Variants in LSAMP observed in about 807,000 individuals in gnomAD.
LSAMP encodes the protein limbic system associated membrane protein.
LSAMP carries 7 observed loss-of-function variants against 38.6 expected under a neutral mutation model. The ratio of observed to expected loss-of-function variants is 0.18; its 90% CI spans 0.10 to 0.34. The LOEUF (loss-of-function observed/expected upper bound fraction) is 0.34. LSAMP is among the 10% of genes least tolerant of loss of function. LSAMP has a pLI of 1.00. For missense variants in LSAMP, 313 were observed against 420.0 expected, an observed-to-expected ratio of 0.75 and a Z score of 2.23; for synonymous variants, 154 against 166.8, an observed-to-expected ratio of 0.92 and a Z score of 0.59.
chr3:115,983,586 A>G (rs1939426277), intron 3 of LSAMP, among the ~76,000 whole-genome samples: 1 of 152,150 alleles, frequency 6.6e-6, no homozygotes, highest in African/African-American at 2.4e-5. Flanking sequence ...TTTTGGTTTT[A>G]TGTTCCTCAG....
At chr3:116,268,527 T>G (rs1045770512) in intron 1 of LSAMP, among the ~76,000 whole-genome samples, 1 of 152,110 alleles carries the variant, frequency 6.6e-6, no homozygotes, top group Non-Finnish European at 1.5e-5. Flanking sequence ...GCTCATGCCA[T>G]TTCTTTAACA....
At chr3:116,231,555 G>A (rs757309856) in intron 1 of LSAMP, among the ~76,000 whole-genome samples, 24 of 152,100 alleles carry the variant, frequency 1.6e-4, no homozygotes, top group African/African-American at 2.2e-4. Flanking sequence ...CAGTGGGCAC[G>A]GTAACAGTGA....
At chr3:116,207,704 CT>C (rs1237811507) in intron 1 of LSAMP, among the ~76,000 whole-genome samples, 1 of 151,314 alleles carries the variant, frequency 6.6e-6, no homozygotes, top group Admixed American at 6.6e-5. Flanking sequence ...GTTGAAAATT[CT>C]TTTCTTTAAG....
intron 2 of LSAMP, among the ~76,000 whole-genome samples, chr3:116,059,684 C>T (rs1449426250): frequency 1.3e-5 from 2 of 152,158 alleles, no homozygotes; most frequent in African/African-American, 4.8e-5. Context: ...AGCCTTCACA[C>T]ACAAGCAGCC....
intron 3 of LSAMP, among the ~76,000 whole-genome samples, chr3:115,902,434 C>T (rs573843773): frequency 4.2e-4 from 64 of 152,024 alleles, no homozygotes; most frequent in Middle Eastern, 6.8e-3. Flanking sequence ...GACATAGGAA[C>T]GGGGCAAAAA....
At chr3:115,825,493 T>C (rs1170202012) in intron 6 of LSAMP, among the ~76,000 whole-genome samples, 2 of 152,182 alleles carry the variant, frequency 1.3e-5, no homozygotes, top group Non-Finnish European at 2.9e-5. Flanking sequence ...CAAACCTCCT[T>C]ACTGAAAAGC....
chr3:115,839,933 T>C (rs1409337271), intron 6 of LSAMP, among the ~76,000 whole-genome samples: 1 of 152,238 alleles, frequency 6.6e-6, no homozygotes, highest in African/African-American at 2.4e-5. Context: ...TTAAGTCCTT[T>C]AAATGGACTT....
intron 1 of LSAMP, among the ~76,000 whole-genome samples, chr3:116,209,741 ATTAT>A (rs756155084): frequency 5.3e-5 from 8 of 151,390 alleles, no homozygotes; most frequent in Admixed American, 2.6e-4. Context: ...GGATTTATTT[ATTAT>A]TTATTTATTT....
chr3:115,990,464 C>A (rs1187090746), intron 3 of LSAMP, among the ~76,000 whole-genome samples: 1 of 151,994 alleles, frequency 6.6e-6, no homozygotes, highest in Non-Finnish European at 1.5e-5. Context: ...TAGTAGTAGG[C>A]ATCTTAGCTT....
chr3:116,445,205 C>A lies in LSAMP; in HGVS notation c.-174G>T. On this transcript the variant is annotated 5_prime_UTR_variant, in exon 1 of 7. The change creates a new upstream start codon in the 5' untranslated region. Coordinates refer to ENST00000490035, the MANE Select transcript of LSAMP (RefSeq NM_002338.5). ...CTTTCCCTCGCTCAGTCTCTTTTCC[C>A]TCTAAGACTTAACAAAGCCCTCATA... 3 of 623,184 alleles carry A rather than the reference C, an allele frequency of 4.8e-6. No individual in the cohort carries two copies. Among genetic ancestry groups the A allele is most frequent in the Non-Finnish European group, 8.4e-6 (3 of 357,768 alleles). The allele number at this position is 623,184 out of a possible 1,614,324, so 38.6% of individuals were successfully genotyped here. A position where few individuals can be genotyped will look rare whatever the true frequency, so the allele number is the denominator to read the frequency against.
At chr3:116,193,744 T>TC (rs1160738980) in intron 1 of LSAMP, among the ~76,000 whole-genome samples, 4 of 152,168 alleles carry the variant, frequency 2.6e-5, no homozygotes, top group African/African-American at 9.7e-5. Context: ...ATCTAGTATT[T>TC]CCCACCCTTC....
chr3:115,863,383 T>G (rs988550655), intron 3 of LSAMP, among the ~76,000 whole-genome samples: 4 of 152,012 alleles, frequency 2.6e-5, no homozygotes, highest in Non-Finnish European at 5.9e-5. Context: ...TTGGTTTGAT[T>G]GATCTGTGTA....
intron 1 of LSAMP, among the ~76,000 whole-genome samples, chr3:116,293,683 A>G (rs1427426078): frequency 6.6e-6 from 1 of 152,158 alleles, no homozygotes; most frequent in Non-Finnish European, 1.5e-5. Flanking sequence ...TAAAGTTAAT[A>G]AATATATAGG....
chr3:116,276,355 AT>A (rs1350819265), intron 1 of LSAMP, among the ~76,000 whole-genome samples: 2 of 152,236 alleles, frequency 1.3e-5, no homozygotes, highest in African/African-American at 4.8e-5. Flanking sequence ...TGTTTTAAGA[AT>A]TAGTTTAAGC....
chr3:116,413,902 C>A (rs75634822), intron 1 of LSAMP, among the ~76,000 whole-genome samples: 23 of 144,490 alleles, frequency 1.6e-4, no homozygotes, highest in East Asian at 1.0e-3. Context: ...CAGAAAATTA[C>A]AAAAAAAAAA....
Position 115,997,713 on chromosome 3 carries a change from GATATATATATATATATATATATAT to G in LSAMP, c.514+21778_514+21801del, listed in dbSNP as rs376845636. On this transcript the variant is annotated intron_variant, in intron 3 of 6. Coordinates refer to ENST00000490035, the MANE Select transcript of LSAMP (RefSeq NM_002338.5). Reference sequence around the variant, plus strand: ...AAGAGGGAAACTATTGACATTTTGGGATATATATATATATATATATATATATATATATATATATATACACACACA... The same window carrying G: ...AAGAGGGAAACTATTGACATTTTGGGATATATATATATATATACACACACA... Among the ~76,000 whole-genome samples, 9 of 91,658 alleles carry G rather than the reference GATATATATATATATATATATATAT, an allele frequency of 9.8e-5. No individual in the cohort carries two copies. In the East Asian group the frequency reaches 2.0e-3, roughly 21 times the overall value. The allele number at this position is 91,658 out of a possible 152,430, so 60.1% of individuals were successfully genotyped here.
intron 1 of LSAMP, among the ~76,000 whole-genome samples, chr3:116,425,469 G>A (rs1317720642): frequency 6.6e-6 from 1 of 152,174 alleles, no homozygotes; most frequent in African/African-American, 2.4e-5. Context: ...ATGCAAATAT[G>A]GCTCTGCTAA....
rs1430740608 is a variant in LSAMP at position 116,273,809 on chromosome 3, TTCTTTCTC to T, written c.155+171060_155+171067del. Among the ~76,000 whole-genome samples, 45 of 87,490 alleles carry T rather than the reference TTCTTTCTC, an allele frequency of 5.1e-4. 1 individual carries two copies. The highest frequency in any genetic ancestry group is 3.7e-3 in the South Asian group (11 of 3,002). The allele number at this position is 87,490 out of a possible 152,430, so 57.4% of individuals were successfully genotyped here. On this transcript the variant is annotated intron_variant, in intron 1 of 6. Transcript: ENST00000490035. ...GATATATATATCTTTCTCTTTTTCT[TTCTTTCTC>T]TCTCTCTCTCTCTCTTTCGCTTTCT...
rs115661458 is a variant in LSAMP at position 116,379,878 on chromosome 3, A to G, written c.155+64999T>C. Among the ~76,000 whole-genome samples the G allele has an allele frequency of 5.4e-3, 816 of 152,180 alleles. 4 individuals carry two copies. The highest frequency in any genetic ancestry group is 9.5e-3 in the Non-Finnish European group (646 of 67,950). On this transcript the variant is annotated intron_variant, in intron 1 of 6. Coordinates refer to ENST00000490035, the MANE Select transcript of LSAMP (RefSeq NM_002338.5). ...AGGATTGAAAGATGGAAACTTAGTC[A>G]TTGTCATAAACCCTTCATTTCACTC...
Sources: gnomAD v4.1 joint callset for allele counts (sites outside exome capture counted in the v4.1 genomes callset) on GRCh38, gnomAD v4.1.1 for gene constraint, MANE v1.5 for transcripts, NCBI Gene and HGNC (gene_info 2026-07-23, HGNC 2026-07-21) for gene names.